The following GALNT13 variants were observed in gnomAD, a reference collection of about 807,000 sequenced individuals.
The protein encoded by GALNT13 is polypeptide N-acetylgalactosaminyltransferase 13.
GALNT13 carries 28 observed loss-of-function variants against 64.2 expected under a neutral mutation model. That is an observed-to-expected ratio of 0.44 (90% CI 0.32 to 0.60). The LOEUF (loss-of-function observed/expected upper bound fraction) is 0.60, where lower values mean the gene tolerates loss of function less well. GALNT13 is among the 20% of genes least tolerant of loss of function. GALNT13 has a pLI of 0.05. For missense variants in GALNT13, 577 were observed against 669.8 expected (o/e 0.86, Z 1.53); for synonymous variants, 214 against 224.6 (o/e 0.95, Z 0.42).
intron 4 of GALNT13, among the ~76,000 whole-genome samples, chr2:154,187,046 C>T (rs1013204416): frequency 1.3e-5 from 2 of 151,892 alleles, no homozygotes; most frequent in East Asian, 3.9e-4. Context: ...TACAACTTTT[C>T]TAGTTTTATC....
At chr2:153,963,888 G>A (rs547041915) in intron 3 of GALNT13, among the ~76,000 whole-genome samples, 4 of 152,048 alleles carry the variant, frequency 2.6e-5, no homozygotes, top group Admixed American at 2.6e-4. Context: ...GTCTATGAAA[G>A]AGCAGAAATT....
chr2:153,271,141 T>G, the GALNT13 span, among the ~76,000 whole-genome samples: 14 of 152,272 alleles, frequency 9.2e-5, no homozygotes, highest in Admixed American at 8.5e-4. Flanking sequence ...GAGCTATTTA[T>G]GACAAACCCA....
chr2:153,216,536 C>T, the GALNT13 span, among the ~76,000 whole-genome samples: 3 of 151,920 alleles, frequency 2.0e-5, no homozygotes, highest in Non-Finnish European at 4.4e-5. Flanking sequence ...CTCATTGTGC[C>T]TGTAATTTGC....
chr2:154,352,551 C>T (rs1486846483), intron 9 of GALNT13, among the ~76,000 whole-genome samples: 3 of 152,098 alleles, frequency 2.0e-5, no homozygotes, highest in African/African-American at 7.2e-5. Flanking sequence ...AAATTTGAGG[C>T]TCAGACAGGT....
At chr2:153,587,652 C>T in the GALNT13 span, among the ~76,000 whole-genome samples, 2 of 152,170 alleles carry the variant, frequency 1.3e-5, no homozygotes, top group African/African-American at 4.8e-5. Context: ...GTCCCACCAA[C>T]AACATGTAGG....
intron 9 of GALNT13, among the ~76,000 whole-genome samples, chr2:154,347,961 G>A (rs774880846): frequency 6.6e-6 from 1 of 152,108 alleles, no homozygotes; most frequent in Non-Finnish European, 1.5e-5. Flanking sequence ...CTTATCAGAA[G>A]TGTTTTTAAA....
At chr2:153,483,683 T>C in the GALNT13 span, among the ~76,000 whole-genome samples, 4 of 152,180 alleles carry the variant, frequency 2.6e-5, no homozygotes, top group African/African-American at 9.7e-5. Context: ...CCCAAAGAGC[T>C]GGGATTATAG....
At chr2:153,857,312 A>G in the GALNT13 span, among the ~76,000 whole-genome samples, 1 of 152,160 alleles carries the variant, frequency 6.6e-6, no homozygotes, top group East Asian at 1.9e-4. Flanking sequence ...TACCACTGAT[A>G]CAAGGATTTA....
chr2:154,302,339 C>T (rs912334747), intron 9 of GALNT13, among the ~76,000 whole-genome samples: 10 of 152,016 alleles, frequency 6.6e-5, no homozygotes, highest in Admixed American at 5.9e-4. Flanking sequence ...AATAAGGATA[C>T]AAAAGGACTG....
intron 3 of GALNT13, among the ~76,000 whole-genome samples, chr2:154,045,423 C>A (rs531669732): frequency 7.9e-5 from 12 of 152,298 alleles, no homozygotes; most frequent in African/African-American, 2.2e-4. Flanking sequence ...GATTTACTGA[C>A]ACGAAATGCT....
At chr2:153,229,410 C>A in the GALNT13 span, among the ~76,000 whole-genome samples, 1 of 152,074 alleles carries the variant, frequency 6.6e-6, no homozygotes, top group Non-Finnish European at 1.5e-5. Flanking sequence ...TATTTATTAA[C>A]CTTCTGGGTA....
intron 3 of GALNT13, among the ~76,000 whole-genome samples, chr2:154,091,952 T>C: frequency 6.6e-6 from 1 of 151,762 alleles, no homozygotes; most frequent in East Asian, 1.9e-4. Flanking sequence ...GGATATTTTA[T>C]TGTACCCTGA....
At chr2:153,640,813 G>T in the GALNT13 span, among the ~76,000 whole-genome samples, 1 of 152,188 alleles carries the variant, frequency 6.6e-6, no homozygotes, top group East Asian at 1.9e-4. Flanking sequence ...GTGGTCTGCT[G>T]CAGCGGAGAT....
At chr2:153,076,610 G>A in the GALNT13 span, among the ~76,000 whole-genome samples, 1 of 151,942 alleles carries the variant, frequency 6.6e-6, no homozygotes, top group East Asian at 1.9e-4. Context: ...TTATACTATT[G>A]TATAGTTGAG....
At chr2:153,753,414 G>A in the GALNT13 span, among the ~76,000 whole-genome samples, 1 of 152,136 alleles carries the variant, frequency 6.6e-6, no homozygotes, top group South Asian at 2.1e-4. Context: ...TATTTGAAAT[G>A]ACTTGAGTTT....
chr2:153,717,138 C>A, the GALNT13 span, among the ~76,000 whole-genome samples: 1 of 152,060 alleles, frequency 6.6e-6, no homozygotes, highest in African/African-American at 2.4e-5. Context: ...AGTGTTTATT[C>A]CCCCGACATA....
chr2:154,032,924 T>C (rs1362008015), intron 3 of GALNT13, among the ~76,000 whole-genome samples: 2 of 148,226 alleles, frequency 1.3e-5, no homozygotes, highest in Non-Finnish European at 3.0e-5. Flanking sequence ...TAAAATCACG[T>C]ATTTGTTTTA....
At chr2:153,365,171 G>A in the GALNT13 span, among the ~76,000 whole-genome samples, 18 of 152,214 alleles carry the variant, frequency 1.2e-4, 1 homozygote, top group South Asian at 3.7e-3. Flanking sequence ...AATGGTGCTG[G>A]GAAAACTGGC....
chr2:153,249,698 A>G, the GALNT13 span, among the ~76,000 whole-genome samples: 7 of 152,180 alleles, frequency 4.6e-5, no homozygotes, highest in African/African-American at 1.4e-4. Context: ...AATGGAACAG[A>G]ACAGAGACCT....
Sources: gnomAD v4.1 joint callset for allele counts (sites outside exome capture counted in the v4.1 genomes callset) on GRCh38, gnomAD v4.1.1 for gene constraint, MANE v1.5 for transcripts, NCBI Gene and HGNC (gene_info 2026-07-23, HGNC 2026-07-21) for gene names.